The following KAZN variants were observed in gnomAD, a reference collection of about 807,000 sequenced individuals.
KAZN encodes kazrin, periplakin interacting protein.
A neutral mutation model predicts 87.4 loss-of-function variants in KAZN; 40 were observed. The observed-to-expected ratio is 0.46, with a 90% CI of 0.36 to 0.60. KAZN has a LOEUF of 0.60. KAZN is among the 20% of genes least tolerant of loss of function. The pLI, the probability that KAZN is intolerant of heterozygous loss-of-function variation, is 0.00. For synonymous variants in KAZN, 466 were observed against 458.3 expected (o/e 1.02, Z -0.22); for missense variants, 898 against 1,073.9 (o/e 0.84, Z 2.29).
chr1:14,324,184 G>T (rs17395713), intron 2 of KAZN, among the ~76,000 whole-genome samples: 10,662 of 152,204 alleles, frequency 0.07, 523 homozygotes, highest in Non-Finnish European at 0.11. Context: ...CTGTAACGTG[G>T]ATCACTATCT....
intron 1 of KAZN, among the ~76,000 whole-genome samples, chr1:14,938,960 C>T (rs1294457866): frequency 6.6e-6 from 1 of 152,082 alleles, no homozygotes. Context: ...TTTATTTATT[C>T]ATTTTTTGTT....
chr1:14,667,763 C>T (rs1212892488), intron 1 of KAZN, among the ~76,000 whole-genome samples: 1 of 151,044 alleles, frequency 6.6e-6, no homozygotes, highest in Admixed American at 6.6e-5. Context: ...CGGATAACTG[C>T]TGGCTGCAAT....
rs571605657 is a variant in KAZN at position 14,946,002 on chromosome 1, T to C, written c.227-14682T>C. On this transcript the variant is annotated intron_variant, in intron 1 of 14. Transcript: ENST00000376030. ...GGGGCTTTTTATCTGTCCTCAGGCATTGGCACAGCAGCCCTGGGAGATGAA... is the reference window on the plus strand; with the variant it reads ...GGGGCTTTTTATCTGTCCTCAGGCACTGGCACAGCAGCCCTGGGAGATGAA... 5.7e-6 allele frequency: 4 copies of C among 704,398 alleles called. No individual in the cohort carries two copies. The South Asian group carries it at 1.9e-4, about 34-fold the overall frequency. The allele number at this position is 704,398 out of a possible 1,614,324, so 43.6% of individuals were successfully genotyped here.
chr1:14,024,071 A>T (rs1640965947), intron 1 of KAZN, among the ~76,000 whole-genome samples: 1 of 152,222 alleles, frequency 6.6e-6, no homozygotes, highest in African/African-American at 2.4e-5. Flanking sequence ...TTATCTTGTT[A>T]GGGATCGTGT....
At chr1:14,498,600 G>A (rs1670077091) in intron 2 of KAZN, among the ~76,000 whole-genome samples, 1 of 152,174 alleles carries the variant, frequency 6.6e-6, no homozygotes, top group Admixed American at 6.5e-5. Flanking sequence ...GCTGAGGCAG[G>A]AGAGTCACTT....
intron 2 of KAZN, among the ~76,000 whole-genome samples, chr1:14,288,354 A>C (rs1653421524): frequency 6.6e-6 from 1 of 152,170 alleles, no homozygotes; most frequent in Non-Finnish European, 1.5e-5. Context: ...CCTCAATTTC[A>C]GAGCCTGTTA....
intron 1 of KAZN, among the ~76,000 whole-genome samples, chr1:14,054,644 A>T (rs1201138358): frequency 2.0e-5 from 3 of 152,244 alleles, no homozygotes; most frequent in Non-Finnish European, 4.4e-5. Flanking sequence ...AAAATGATAC[A>T]TTAAGATAGG....
intron 4 of KAZN, among the ~76,000 whole-genome samples, chr1:15,053,254 G>A (rs1188306866): frequency 6.6e-6 from 1 of 152,228 alleles, no homozygotes; most frequent in Admixed American, 6.5e-5. Context: ...GGGAAGGCAG[G>A]TGCCGCCACC....
intron 1 of KAZN, among the ~76,000 whole-genome samples, chr1:14,154,240 T>G (rs187926384): frequency 6.6e-6 from 1 of 152,216 alleles, no homozygotes; most frequent in Non-Finnish European, 1.5e-5. Flanking sequence ...TCCTAGGTAT[T>G]TAATGTTCTT....
chr1:14,441,973 C>T (rs1666731644), intron 2 of KAZN, among the ~76,000 whole-genome samples: 1 of 152,120 alleles, frequency 6.6e-6, no homozygotes, highest in African/African-American at 2.4e-5. Flanking sequence ...CCCAGGGCTG[C>T]CATGTAGGGT....
chr1:14,443,851 T>C (rs766674665), intron 2 of KAZN, among the ~76,000 whole-genome samples: 1 of 152,244 alleles, frequency 6.6e-6, no homozygotes, highest in Non-Finnish European at 1.5e-5. Context: ...ATAGCAGGAT[T>C]GTTCTCCTTT....
At chr1:14,396,900 G>GT (rs33945798) in intron 2 of KAZN, among the ~76,000 whole-genome samples, 73 of 149,910 alleles carry the variant, frequency 4.9e-4, no homozygotes, top group African/African-American at 1.0e-3. Flanking sequence ...TGCTCTATGA[G>GT]TTTTTTTTTT....
intron 1 of KAZN, among the ~76,000 whole-genome samples, chr1:14,711,414 C>G (rs533666263): frequency 6.6e-6 from 1 of 151,744 alleles, no homozygotes; most frequent in Non-Finnish European, 1.5e-5. Context: ...GGTCACATTT[C>G]GTTTGGGGAT....
chr1:14,801,311 G>A (rs1328704258), intron 1 of KAZN, among the ~76,000 whole-genome samples: 1 of 152,184 alleles, frequency 6.6e-6, no homozygotes, highest in Non-Finnish European at 1.5e-5. Flanking sequence ...CCAGGAGAAA[G>A]TCTGTGCCGT....
chr1:14,782,114 A>G (rs1181083496), intron 1 of KAZN, among the ~76,000 whole-genome samples: 1 of 152,208 alleles, frequency 6.6e-6, no homozygotes, highest in Non-Finnish European at 1.5e-5. Context: ...TGTGTTTGCT[A>G]TTATTAGCAT....
chr1:14,984,154 G>T (rs1166715151), intron 2 of KAZN, among the ~76,000 whole-genome samples: 1 of 152,042 alleles, frequency 6.6e-6, no homozygotes, highest in Non-Finnish European at 1.5e-5. Flanking sequence ...ATCACTTGAA[G>T]TCAGGAGTTT....
Position 14,368,482 on chromosome 1 carries a change from G to C in KAZN, c.249+187890G>C, listed in dbSNP as rs544390798. On this transcript the variant is annotated intron_variant, in intron 2 of 16. Transcript: ENST00000636203. ...AAGCTTCTAGGTCTCTGACCATTTT[G>C]CCAACCGTACAATCAGCTTTCACAA... Among the ~76,000 whole-genome samples, 6 of 152,296 alleles carry C rather than the reference G, an allele frequency of 3.9e-5. No individual in the cohort carries two copies. In the South Asian group the frequency reaches 1.2e-3, roughly 32 times the overall value.
chr1:14,721,935 CTT>C (rs1416819687), intron 1 of KAZN, among the ~76,000 whole-genome samples: 1 of 152,132 alleles, frequency 6.6e-6, no homozygotes, highest in Non-Finnish European at 1.5e-5. Flanking sequence ...AAGTGAATAA[CTT>C]GAGGTCAGAA....
intron 1 of KAZN, among the ~76,000 whole-genome samples, chr1:14,818,993 C>A (rs114008898): frequency 6.6e-6 from 1 of 152,100 alleles, no homozygotes; most frequent in Non-Finnish European, 1.5e-5. Flanking sequence ...AGGCAAACGC[C>A]GCAGTGAGCC....
Sources: gnomAD v4.1 joint callset for allele counts (sites outside exome capture counted in the v4.1 genomes callset) on GRCh38, gnomAD v4.1.1 for gene constraint, MANE v1.5 for transcripts, NCBI Gene and HGNC (gene_info 2026-07-23, HGNC 2026-07-21) for gene names.